Variants in DNAH10 observed in about 807,000 individuals in gnomAD.
DNAH10 encodes the protein dynein axonemal heavy chain 10, also known as axonemal beta dynein heavy chain 10.
A neutral mutation model predicts 506.6 loss-of-function variants in DNAH10; 348 were observed. The ratio of observed to expected loss-of-function variants is 0.69; its 90% confidence interval spans 0.63 to 0.75. DNAH10 has a LOEUF of 0.75. Ranked by LOEUF, DNAH10 falls within the 30% of genes least tolerant of loss-of-function variation. The pLI is 0.00. For synonymous variants in DNAH10, 2,059 were observed against 2,198.6 expected (o/e 0.94, Z 1.78); for missense variants, 5,179 against 5,787.1 (o/e 0.89, Z 3.41).
Position 123,925,338 on chromosome 12 carries a change from G to A in DNAH10, c.11921+134G>A, listed in dbSNP as rs567381881. On this transcript the variant is annotated intron_variant, in intron 68 of 78. Transcript: ENST00000673944. The surrounding 1 kb of genome is among the most constrained non-coding windows in gnomAD (Gnocchi z 4.0). ...GTCGCCACCCTGCTGTACAATATTC[G>A]ATAGCCGATATTCTAGAATTCTTCA... is the stretch of plus-strand genomic sequence containing the variant. The A allele has an allele frequency of 1.1e-4, 129 of 1,148,990 alleles. 1 individual carries two copies. Among genetic ancestry groups the A allele is most frequent in the South Asian group, 1.1e-4 (7 of 63,960 alleles). 71.2% of individuals were successfully genotyped at this position (1,148,990 alleles called of 1,614,324 possible). A position where few individuals can be genotyped will look rare whatever the true frequency, so the allele number is the denominator to read the frequency against.
At chr12:123,863,086 T>G (rs927042947) in intron 39 of DNAH10, among the ~76,000 whole-genome samples, 5 of 152,024 alleles carry the variant, frequency 3.3e-5, no homozygotes, top group Non-Finnish European at 7.4e-5. Flanking sequence ...AGGAAGGAAA[T>G]AAACCAAAAT....
chr12:123,888,023 C>T (rs1030205765), intron 52 of DNAH10, among the ~76,000 whole-genome samples: 8 of 152,288 alleles, frequency 5.3e-5, no homozygotes, highest in Non-Finnish European at 8.8e-5. Context: ...GGATTACAGG[C>T]GTGAGCCACC....
chr12:123,887,078 C>G, intron 51 of DNAH10, 64 bp from the exon 52 acceptor site: 3 of 1,511,574 alleles, frequency 2.0e-6, no homozygotes, highest in Non-Finnish European at 8.9e-7. Flanking sequence ...GTCCCCACCC[C>G]GGAGCCCGCA....
In DNAH10 at chr12:123,935,294, CCT is replaced by C. The variant is rs141503125; in HGVS notation, c.13624-35_13624-34del. 15,424 of 1,588,304 alleles carry C rather than the reference CCT, an allele frequency of 9.7e-3. 725 individuals carry two copies. In the African/African-American group the frequency reaches 0.13, roughly 13 times the overall value. The stretch of plus-strand genomic sequence containing the variant: ...CACCTCTGCCTTTATCCCTCTGCAC[CCT>C]CTCTCCGTGGGGGCATCTCACCTGC... On this transcript the variant is annotated intron_variant, in intron 78 of 78. Transcript: ENST00000673944.
chr12:123,829,347 C>T (rs1960298050), intron 25 of DNAH10, among the ~76,000 whole-genome samples: 1 of 152,178 alleles, frequency 6.6e-6, no homozygotes, highest in Non-Finnish European at 1.5e-5. Flanking sequence ...AAGGCCACCT[C>T]TGGGGCACTT....
chr12:123,879,944 G>T, intron 50 of DNAH10, 143 bp downstream of exon 50: 1 of 1,011,152 alleles, frequency 9.9e-7, no homozygotes. Flanking sequence ...TGTCTGGTCC[G>T]GTGGTTCCCA....
rs77377783 is a variant in DNAH10 at position 123,925,023 on chromosome 12, A to C, written c.11767-27A>C. 22,037 of 1,612,120 alleles carry C rather than the reference A, an allele frequency of 0.014. 1,595 individuals carry two copies. The African/African-American group carries it at 0.2, about 14-fold the overall frequency. On this transcript the variant is annotated intron_variant, in intron 67 of 78. Coordinates refer to ENST00000673944, the MANE Select transcript of DNAH10 (RefSeq NM_001372106.1). This position sits in a 1 kb window ranked among gnomAD's most constrained non-coding sequence, Gnocchi z 4.0. ...ACCTATGTCATTTCTGAGTTGACGC[A>C]CAATGAATATTCTTTGCTTTTCCCA...
Position 123,787,627 on chromosome 12 carries a change from G to A in DNAH10, c.1422-177G>A, listed in dbSNP as rs1202925283. On this transcript the variant is annotated intron_variant, in intron 9 of 78. Transcript: ENST00000673944. This position sits in a 1 kb window ranked among gnomAD's most constrained non-coding sequence, Gnocchi z 4.6. Reference sequence around the variant, plus strand: ...GGAAACCTCGCAGCTTGGGACTCCCGCCCTTGCACATGGGACAGGGCAGCC... The same window carrying A: ...GGAAACCTCGCAGCTTGGGACTCCCACCCTTGCACATGGGACAGGGCAGCC... 6.6e-6 allele frequency among the ~76,000 whole-genome samples: 1 copy of A among 152,238 alleles called. No homozygotes were observed. The highest frequency in any genetic ancestry group is 1.5e-5 in the Non-Finnish European group (1 of 68,042).
chr12:123,821,533 G>A (rs1357848275), intron 24 of DNAH10, among the ~76,000 whole-genome samples: 1 of 152,068 alleles, frequency 6.6e-6, no homozygotes, highest in Non-Finnish European at 1.5e-5. Context: ...ATGTCTCACT[G>A]TGTTACCCAG....
In DNAH10 at chr12:123,929,696, G is replaced by A. The variant is rs748440725; in HGVS notation, c.12549G>A (p.Thr4183=). Residue 4183 remains threonine, a synonymous_variant, in exon 72 of 79, where the codon ACG becomes ACA. Transcript: ENST00000673944. The stretch of plus-strand genomic sequence containing the variant: ...TGGAAATTCTGAACACGTACTTAAC[G>A]AAAGCCTTCCAGCAACGGGACCCAA... ...VCMEILNTYL[T]KAFQQRDPRI... 9 of 1,613,564 alleles carry A rather than the reference G, an allele frequency of 5.6e-6. No individual in the cohort carries two copies. The highest frequency in any genetic ancestry group is 5.9e-6 in the Non-Finnish European group (7 of 1,179,742).
chr12:123,819,081 T>G lies in DNAH10; in HGVS notation c.3897+15T>G. The G allele has an allele frequency of 6.3e-7, 1 of 1,599,196 alleles. No individual in the cohort carries two copies. The highest frequency in any genetic ancestry group is 1.1e-5 in the South Asian group (1 of 88,468). ...CTTTCACAGAGGTACCTTTTAAATT[T>G]CACTTCCTGAGTAAAGACATTGAAA... On this transcript the variant is annotated intron_variant, in intron 22 of 78. Coordinates refer to ENST00000673944, the MANE Select transcript of DNAH10 (RefSeq NM_001372106.1).
chr12:123,771,340 T>A (rs1161778694), intron 2 of DNAH10, among the ~76,000 whole-genome samples: 2 of 152,128 alleles, frequency 1.3e-5, no homozygotes, highest in Non-Finnish European at 2.9e-5. Flanking sequence ...GGTCACAGGG[T>A]GGACACTGTA....
chr12:123,837,756 A>AC (rs1234493273), intron 28 of DNAH10, among the ~76,000 whole-genome samples: 1 of 150,992 alleles, frequency 6.6e-6, no homozygotes, highest in East Asian at 1.9e-4. Flanking sequence ...AAAAAAAAAA[A>AC]ATTTTTTTTT....
intron 4 of DNAH10, among the ~76,000 whole-genome samples, chr12:123,773,654 CAG>C (rs148965030): frequency 4.0e-5 from 6 of 150,806 alleles, no homozygotes; most frequent in Admixed American, 6.6e-5. Flanking sequence ...TGGTGGAGAG[CAG>C]AGAGAGAGAG....
chr12:123,870,055 G>A (rs1951966366), intron 43 of DNAH10, among the ~76,000 whole-genome samples: 4 of 152,168 alleles, frequency 2.6e-5, no homozygotes, highest in Admixed American at 1.3e-4. Context: ...TGTATTCCCA[G>A]GGAAGTGTAT....
At chr12:123,811,523 T>TA (rs1311320269) in intron 19 of DNAH10, among the ~76,000 whole-genome samples, 1 of 151,030 alleles carries the variant, frequency 6.6e-6, no homozygotes, top group Non-Finnish European at 1.5e-5. Flanking sequence ...TTTTTTGAGA[T>TA]AGAGTCTTGC....
chr12:123,793,288 C>T (rs560391141), intron 11 of DNAH10, among the ~76,000 whole-genome samples: 32 of 152,066 alleles, frequency 2.1e-4, no homozygotes, highest in African/African-American at 6.7e-4. Context: ...CAGGGACTCA[C>T]TTGCGCCCCC....
intron 2 of DNAH10, among the ~76,000 whole-genome samples, chr12:123,768,096 C>T (rs1172055167): frequency 1.3e-5 from 2 of 151,842 alleles, no homozygotes; most frequent in Non-Finnish European, 2.9e-5. Flanking sequence ...CCCTCTGTAT[C>T]TTTCTTCTCC....
In DNAH10 at chr12:123,909,550, C is replaced by G; in HGVS notation, c.9997+108C>G. The G allele has an allele frequency of 7.4e-7, 1 of 1,355,006 alleles. No individual in the cohort carries two copies. 83.9% of individuals were successfully genotyped at this position (1,355,006 alleles called of 1,614,324 possible). On this transcript the variant is annotated intron_variant, in intron 58 of 78. Coordinates refer to ENST00000673944, the MANE Select transcript of DNAH10 (RefSeq NM_001372106.1). This position sits in a 1 kb window ranked among gnomAD's most constrained non-coding sequence, Gnocchi z 5.4. ...AGGCTTGTCGTGGGCAGGCCCTCCC[C>G]TTCTGGTCAGATGGTATCGGATGGA...
Sources: gnomAD v4.1 joint callset for allele counts (sites outside exome capture counted in the v4.1 genomes callset) on GRCh38, gnomAD v4.1.1 for gene constraint, Gnocchi (gnomAD v3.1) non-coding constraint, MANE v1.5 for transcripts, NCBI Gene and HGNC (gene_info 2026-07-23, HGNC 2026-07-21) for gene names.